LAMC1: variants seen among roughly 807,000 people sequenced by gnomAD.
LAMC1 encodes the protein laminin subunit gamma 1.
In LAMC1, 38 loss-of-function variants were observed where a neutral mutation model predicts 173.6. That is an observed-to-expected ratio of 0.22 (90% CI 0.17 to 0.29). The LOEUF is 0.29. Among genes scored for constraint, LAMC1 ranks in the 10% least tolerant of loss-of-function variants. LAMC1 has a pLI of 1.00. For missense variants in LAMC1, 1,824 were observed against 2,051.8 expected, an observed-to-expected ratio of 0.89 and a Z score of 2.14; for synonymous variants, 746 against 749.1, an observed-to-expected ratio of 1.00 and a Z score of 0.07.
chr1:183,060,018 G>A (rs1305037844), intron 1 of LAMC1, among the ~76,000 whole-genome samples: 2 of 152,106 alleles, frequency 1.3e-5, no homozygotes, highest in African/African-American at 4.8e-5. Context: ...GGGGAGCAAG[G>A]AAGGAAACGT....
At chr1:183,068,446 A>C (rs950031586) in intron 1 of LAMC1, among the ~76,000 whole-genome samples, 1 of 152,222 alleles carries the variant, frequency 6.6e-6, no homozygotes, top group Non-Finnish European at 1.5e-5. Context: ...AGGTTTAGGG[A>C]TATTAATGTT....
At chr1:183,075,598 A>G (rs989011231) in intron 1 of LAMC1, among the ~76,000 whole-genome samples, 1 of 152,226 alleles carries the variant, frequency 6.6e-6, no homozygotes, top group Non-Finnish European at 1.5e-5. Context: ...ATGTATTACA[A>G]GGATAGGAAA....
At chr1:183,045,574 G>C (rs2102018732) in intron 1 of LAMC1, among the ~76,000 whole-genome samples, 1 of 152,086 alleles carries the variant, frequency 6.6e-6, no homozygotes, top group Admixed American at 6.5e-5. Context: ...CTAAGCTTTT[G>C]ATTATCCTGC....
intron 1 of LAMC1, among the ~76,000 whole-genome samples, chr1:183,072,827 GT>G (rs1352794284): frequency 2.0e-5 from 3 of 152,220 alleles, no homozygotes; most frequent in African/African-American, 7.2e-5. Flanking sequence ...AAATGTGCAT[GT>G]GAGGGATCTA....
chr1:183,130,246 G>A (rs1571461403), intron 18 of LAMC1, 98 bp from the exon 19 acceptor site: 5 of 1,104,380 alleles, frequency 4.5e-6, no homozygotes, highest in East Asian at 2.5e-5. Flanking sequence ...AAGTTGCGAT[G>A]TTTAGAAGAG....
intron 23 of LAMC1, 112 bp downstream of exon 23, chr1:183,134,921 C>A: frequency 2.2e-6 from 3 of 1,341,964 alleles, no homozygotes; most frequent in Non-Finnish European, 3.2e-6. Flanking sequence ...GCTGAGAGAG[C>A]AGCCTAACAG....
chr1:183,110,404 C>A, intron 3 of LAMC1, 84 bp from the exon 4 acceptor site: 4 of 1,058,892 alleles, frequency 3.8e-6, no homozygotes, highest in Non-Finnish European at 4.2e-6. Context: ...GTAAAACTTA[C>A]TTCTTTGTGT....
chr1:183,128,836 T>A, intron 18 of LAMC1, 86 bp downstream of exon 18: 1 of 1,060,926 alleles, frequency 9.4e-7, no homozygotes, highest in Non-Finnish European at 1.3e-6. Flanking sequence ...TATAGTTTTA[T>A]AAAATTCTTT....
chr1:183,121,715 A>T lies in LAMC1; in HGVS notation c.1991-8A>T. ...GTTCAGTGATTTTCTTTTCCTCACTATACACAGGTGCTGGATATTTGGATG... is the reference window on the plus strand; with the variant it reads ...GTTCAGTGATTTTCTTTTCCTCACTTTACACAGGTGCTGGATATTTGGATG... On this transcript the variant is annotated splice_region_variant and splice_polypyrimidine_tract_variant and intron_variant, in intron 11 of 27. Transcript: ENST00000258341. 1 of 1,611,960 alleles carries T rather than the reference A, an allele frequency of 6.2e-7. No homozygotes were observed. The highest frequency in any genetic ancestry group is 8.5e-7 in the Non-Finnish European group (1 of 1,178,988).
At chr1:183,064,203 T>C (rs1654807975) in intron 1 of LAMC1, among the ~76,000 whole-genome samples, 1 of 152,216 alleles carries the variant, frequency 6.6e-6, no homozygotes, top group South Asian at 2.1e-4. Flanking sequence ...TATATAGTCA[T>C]GCATTACTTA....
intron 20 of LAMC1, 54 bp downstream of exon 20, chr1:183,131,432 T>G (rs935941115): frequency 8.4e-6 from 7 of 837,458 alleles, no homozygotes; most frequent in East Asian, 2.5e-5. Flanking sequence ...TTATGGGGTG[T>G]GTGTGTGTGT....
chr1:183,144,772 A>AT lies in LAMC1; in HGVS notation c.*1986dup, dbSNP rs1469744133. Reference sequence around the variant, plus strand: ...ATAGGTAAGTTTTATAAGGGAGTACATTTTGACTGAGCACTTAGGGCATCA... The same window carrying AT: ...ATAGGTAAGTTTTATAAGGGAGTACATTTTTGACTGAGCACTTAGGGCATCA... On this transcript the variant is annotated 3_prime_UTR_variant, in exon 28 of 28. Coordinates refer to ENST00000258341, the MANE Select transcript of LAMC1 (RefSeq NM_002293.4). 6.6e-6 allele frequency: 1 copy of AT among 152,190 alleles called. No individual in the cohort carries two copies. The highest frequency in any genetic ancestry group is 1.9e-4 in the East Asian group (1 of 5,194). 9.4% of individuals were successfully genotyped at this position (152,190 alleles called of 1,614,324 possible). A position where few individuals can be genotyped will look rare whatever the true frequency, so the allele number is the denominator to read the frequency against.
At chr1:183,088,014 T>C (rs1655476486) in intron 1 of LAMC1, among the ~76,000 whole-genome samples, 1 of 152,032 alleles carries the variant, frequency 6.6e-6, no homozygotes, top group African/African-American at 2.4e-5. Flanking sequence ...GGTTTCTCTA[T>C]GTTGGTCAGG....
rs188730122 is a variant in LAMC1 at position 183,084,501 on chromosome 1, A to G, written c.419-18827A>G. 1.7e-3 allele frequency among the ~76,000 whole-genome samples: 260 copies of G among 152,350 alleles called. 3 individuals carry two copies. The highest frequency in any genetic ancestry group is 5.2e-3 in the African/African-American group (215 of 41,590). ...AAACACTTTAGATTACATATCCCAA[A>G]TAAGTTTCTGAAACTTGTATTATCT... On this transcript the variant is annotated intron_variant, in intron 1 of 27. Coordinates refer to ENST00000258341, the MANE Select transcript of LAMC1 (RefSeq NM_002293.4).
In LAMC1 at chr1:183,136,406, G is replaced by T; in HGVS notation, c.4135G>T (p.Asp1379Tyr). The T allele has an allele frequency of 6.2e-7, 1 of 1,614,138 alleles. No individual in the cohort carries two copies. The highest frequency in any genetic ancestry group is 1.1e-5 in the South Asian group (1 of 91,048). Residue 1379 changes from aspartate (D) to tyrosine (Y), a missense_variant, in exon 25 of 28, where the codon GAT becomes TAT. By Grantham distance (160) the Asp-to-Tyr change is radical (BLOSUM62 -3). Coordinates refer to ENST00000258341, the MANE Select transcript of LAMC1 (RefSeq NM_002293.4). The part of the protein sequence containing the change: ...NLKDFDRRVN[D>Y]NKTAAEEALR... ...TTCAGATTTTGATAGGCGTGTGAACGATAACAAGACGGCCGCAGAGGAGGC... is the reference window on the plus strand; with the variant it reads ...TTCAGATTTTGATAGGCGTGTGAACTATAACAAGACGGCCGCAGAGGAGGC...
chr1:183,052,732 G>A (rs537018697), intron 1 of LAMC1, among the ~76,000 whole-genome samples: 10 of 152,224 alleles, frequency 6.6e-5, no homozygotes, highest in Admixed American at 1.3e-4. Context: ...GGGTTTTTGG[G>A]TGTGTGTCTT....
chr1:183,059,721 G>A (rs1161817553), intron 1 of LAMC1, among the ~76,000 whole-genome samples: 1 of 152,184 alleles, frequency 6.6e-6, no homozygotes. Flanking sequence ...GGACACAAAC[G>A]TGGAATAGTG....
chr1:183,055,145 C>T (rs1325110030), intron 1 of LAMC1, among the ~76,000 whole-genome samples: 9 of 151,844 alleles, frequency 5.9e-5, no homozygotes, highest in East Asian at 1.9e-4. Context: ...CCTGCCACCG[C>T]GCCTGGCTAA....
chr1:183,141,565 T>C (rs1219067095), intron 27 of LAMC1, among the ~76,000 whole-genome samples: 1 of 152,234 alleles, frequency 6.6e-6, no homozygotes, highest in Non-Finnish European at 1.5e-5. Context: ...GTCAACACTC[T>C]AGCCAGGACT....
Sources: gnomAD v4.1 joint callset for allele counts (sites outside exome capture counted in the v4.1 genomes callset) on GRCh38, gnomAD v4.1.1 for gene constraint, MANE v1.5 for transcripts, NCBI Gene and HGNC (gene_info 2026-07-23, HGNC 2026-07-21) for gene names.